Variants in RPL8 observed in about 807,000 individuals in gnomAD.
RPL8 encodes large ribosomal subunit protein uL2.
For missense variants in RPL8, 248 were observed against 365.9 expected (o/e 0.68, Z 2.63); for synonymous variants, 182 against 143.2 (o/e 1.27, Z -1.94).
At chr8:144,791,586 C>T in intron 2 of RPL8, 91 bp from the exon 3 acceptor site, 1 of 1,489,968 alleles carries the variant, frequency 6.7e-7, no homozygotes, top group Non-Finnish European at 9.2e-7. Context: ...GCGAGCACAG[C>T]ATTCAACATC....
At chr8:144,790,307 T>C in intron 4 of RPL8, 48 bp downstream of exon 4, 1 of 1,467,412 alleles carries the variant, frequency 6.8e-7, no homozygotes, top group East Asian at 2.3e-5. Flanking sequence ...CCCAACAGTG[T>C]GGCCACTGTA....
At chr8:144,790,849 C>A in intron 3 of RPL8, 1 of 530,382 alleles carries the variant, frequency 1.9e-6, no homozygotes, top group Non-Finnish European at 3.6e-6. Context: ...CTGTGCGAGG[C>A]TGAGTTCATC....
rs777685415 is a variant in RPL8 at position 144,792,138 on chromosome 8, G to C, written c.-9C>G. 19 of 1,494,994 alleles carry C rather than the reference G, an allele frequency of 1.3e-5. No individual in the cohort carries two copies. Among genetic ancestry groups the C allele is most frequent in the Non-Finnish European group, 1.7e-5 (19 of 1,128,752 alleles). The allele number at this position is 1,494,994 out of a possible 1,614,324, so 92.6% of individuals were successfully genotyped here. A position where few individuals can be genotyped will look rare whatever the true frequency, so the allele number is the denominator to read the frequency against. ...CGGATCACACGGCCCATGGCGACGG[G>C]TCCTGGGGGCGACTCACGATTAGCG... On this transcript the variant is annotated 5_prime_UTR_variant, in exon 1 of 5. Transcript: ENST00000528957.
Position 144,791,422 on chromosome 8 carries a change from C to T in RPL8, c.354G>A (p.Glu118=). The change falls in exon 3 of 5, where the codon GAG becomes GAA. Residue 118 remains glutamate (E), a synonymous_variant. Coordinates refer to ENST00000528957, the MANE Select transcript of RPL8 (RefSeq NM_001317782.2). ...PEGTIVCCLE[E]KPGDRGKLAR... is the part of the protein sequence containing the mutation. ...CCAGCTTGCCACGGTCTCCAGGCTT[C>T]TCCTCCAGGCAGCACACGATTGTAC... 1 of 1,614,026 alleles carries T rather than the reference C, an allele frequency of 6.2e-7. No homozygotes were observed. The highest frequency in any genetic ancestry group is 8.5e-7 in the Non-Finnish European group (1 of 1,180,034).
intron 2 of RPL8, 23 bp from the exon 3 acceptor site, chr8:144,791,518 G>GC: frequency 6.2e-7 from 1 of 1,610,030 alleles, no homozygotes; most frequent in South Asian, 1.1e-5. Context: ...GCAGCATCAG[G>GC]CCGTCAGCAC....
chr8:144,790,541 T>C (rs773366316), intron 3 of RPL8, 71 bp from the exon 4 acceptor site: 108 of 1,148,728 alleles, frequency 9.4e-5, no homozygotes, highest in Non-Finnish European at 1.3e-4. Context: ...CAATCTCCTG[T>C]CATGCACCTT....
At chr8:144,790,281 G>A (rs1428746698) in intron 4 of RPL8, 74 bp downstream of exon 4, 3 of 1,258,042 alleles carry the variant, frequency 2.4e-6, no homozygotes, top group South Asian at 2.5e-5. Context: ...GGACACCTGT[G>A]GATGGGACTT....
At chr8:144,791,000 A>G in intron 3 of RPL8, 1 of 518,906 alleles carries the variant, frequency 1.9e-6, no homozygotes, top group Non-Finnish European at 3.5e-6. Flanking sequence ...AACTGCATGC[A>G]AGTGCAGCAA....
At position 144,792,327 on chromosome 8, in the gene RPL8, G is replaced by A. The variant is rs952056948; in HGVS notation, c.-198C>T. On this transcript the variant is annotated 5_prime_UTR_variant, in exon 1 of 5. Coordinates refer to ENST00000528957, the MANE Select transcript of RPL8 (RefSeq NM_001317782.2). ...GCGCCTCACGGAAGAGGATGGCGGC[G>A]GATACTGCCCATGCCGCAAGGCCGC... 7 of 835,438 alleles carry A rather than the reference G, an allele frequency of 8.4e-6. No individual in the cohort carries two copies. The highest frequency in any genetic ancestry group is 6.0e-5 in the South Asian group (2 of 33,242). 51.8% of individuals were successfully genotyped at this position (835,438 alleles called of 1,614,324 possible).
rs772521303 is a variant in RPL8, at chr8:144,791,373, T to C, written c.403A>G (p.Thr135Ala). Residue 135 changes from threonine (T) to alanine (A), a missense_variant, in exon 3 of 5, where the codon ACC becomes GCC. Physicochemically the swap from Thr to Ala is moderately conservative, Grantham distance 58 (BLOSUM62 0). Transcript: ENST00000528957. ...KLARASGNYA[T>A]VISHNPETKK... ...GTCTCAGGGTTGTGGGAGATAACGG[T>C]GGCATAGTTCCCTGATGCCCGGGCC... 13 of 1,613,778 alleles carry C rather than the reference T, an allele frequency of 8.1e-6. No individual in the cohort carries two copies. Among genetic ancestry groups the C allele is most frequent in the Non-Finnish European group, 1.0e-5 (12 of 1,179,994 alleles).
chr8:144,789,974 G>GA lies in RPL8; in HGVS notation c.616-13dup. On this transcript the variant is annotated splice_polypyrimidine_tract_variant and intron_variant, in intron 4 of 4. Transcript: ENST00000528957. ...GGATGCTCCACAGGCTGCAGGCAGA[G>GA]AAAGATGGCTTTAGAAACCTCTTCC... The GA allele has an allele frequency of 6.2e-7, 1 of 1,600,306 alleles. No individual in the cohort carries two copies. The highest frequency in any genetic ancestry group is 1.9e-4 in the Middle Eastern group (1 of 5,152).
chr8:144,790,339 T>G lies in RPL8; in HGVS notation c.615+16A>C. On this transcript the variant is annotated intron_variant, in intron 4 of 4. Transcript: ENST00000528957. ...TGTAACTTCAATACCCAACCCTGCATTTCTGGGTTACTTACATTCATGGCC... is the reference window on the plus strand; with the variant it reads ...TGTAACTTCAATACCCAACCCTGCAGTTCTGGGTTACTTACATTCATGGCC... 1.3e-6 allele frequency: 2 copies of G among 1,596,354 alleles called. No homozygotes were observed. Among genetic ancestry groups the G allele is most frequent in the Non-Finnish European group, 1.7e-6 (2 of 1,163,862 alleles).
At chr8:144,790,776 A>G (rs1170016753) in intron 3 of RPL8, 1 of 608,304 alleles carries the variant, frequency 1.6e-6, no homozygotes, top group Non-Finnish European at 3.1e-6. Context: ...GACGTAAGAC[A>G]CTTGATTCAG....
In RPL8 at chr8:144,791,898, G is replaced by A. The variant is rs762086596; in HGVS notation, c.155C>T (p.Pro52Leu). ...KGIVKDIIHD[P>L]GRGAPLAKVV... ...CTTGGCGAGGGGCGCGCCGCGGCCC[G>A]GGTCGTGGATGATGTCCTGTGGGCA... Residue 52 changes from proline (P) to leucine (L), a missense_variant, in exon 2 of 5, where the codon CCG becomes CTG. Pro to Leu is a moderately conservative substitution (Grantham distance 98). Transcript: ENST00000528957. The A allele has an allele frequency of 1.5e-5, 25 of 1,613,418 alleles. No homozygotes were observed. Among genetic ancestry groups the A allele is most frequent in the East Asian group, 2.2e-5 (1 of 44,868 alleles).
Position 144,790,742 on chromosome 8 carries a change from G to A in RPL8, c.500-272C>T, listed in dbSNP as rs568907762. ...GAAGCACCCCCCTCACCATGTGTGA[G>A]ACGTCAGGCCGGCCACTCAACCTGA... On this transcript the variant is annotated intron_variant, in intron 3 of 4. Transcript: ENST00000528957. 6.1e-6 allele frequency: 4 copies of A among 655,440 alleles called. No homozygotes were observed. In the East Asian group the frequency reaches 9.1e-5, roughly 15 times the overall value. The allele number at this position is 655,440 out of a possible 1,614,324, so 40.6% of individuals were successfully genotyped here.
chr8:144,791,239 C>T (rs1161413503), intron 3 of RPL8, 38 bp downstream of exon 3: 1 of 1,593,974 alleles, frequency 6.3e-7, no homozygotes, highest in Non-Finnish European at 8.6e-7. Context: ...GCATGTTCAC[C>T]CACAGCCCTC....
rs774858676 is a variant in RPL8, at chr8:144,791,262, C to A, written c.499+15G>T. 6.2e-7 allele frequency: 1 copy of A among 1,610,446 alleles called. No individual in the cohort carries two copies. The highest frequency in any genetic ancestry group is 1.7e-5 in the Admixed American group (1 of 60,018). ...ACCCACAGCCCTCAGCATTCAACTG[C>A]TGCCTGATACTCACCAACCACAGCT... is the stretch of plus-strand genomic sequence containing the variant. On this transcript the variant is annotated intron_variant, in intron 3 of 4. Coordinates refer to ENST00000528957, the MANE Select transcript of RPL8 (RefSeq NM_001317782.2).
intron 4 of RPL8, 150 bp downstream of exon 4, chr8:144,790,205 A>G: frequency 1.3e-6 from 1 of 756,880 alleles, no homozygotes; most frequent in East Asian, 2.7e-5. Flanking sequence ...CTGGAGCAGG[A>G]TCAACAGTCC....
intron 2 of RPL8, 134 bp downstream of exon 2, chr8:144,791,639 T>C (rs1826522286): frequency 2.0e-6 from 3 of 1,501,312 alleles, no homozygotes; most frequent in Admixed American, 1.9e-5. Flanking sequence ...CGGTGGCCAC[T>C]GGTCTGGCCA....
Sources: allele counts gnomAD v4.1 joint callset, GRCh38; gene constraint gnomAD v4.1.1; transcripts MANE v1.5; gene names NCBI Gene and HGNC (gene_info 2026-07-23, HGNC 2026-07-21).